SLC41A1: variants seen among roughly 807,000 people sequenced by gnomAD.
The protein encoded by SLC41A1 is solute carrier family 41 (magnesium transporter), member 1.
In SLC41A1, 20 loss-of-function variants were observed where a neutral mutation model predicts 47.3. The observed-to-expected ratio is 0.42, with a 90% confidence interval of 0.30 to 0.61. SLC41A1 has a LOEUF of 0.61. Ranked by LOEUF, SLC41A1 falls within the 20% of genes least tolerant of loss-of-function variation. The pLI, the probability that SLC41A1 is intolerant of heterozygous loss-of-function variation, is 0.17. For missense variants in SLC41A1, 504 were observed against 674.1 expected, an observed-to-expected ratio of 0.75 and a Z score of 2.79; for synonymous variants, 282 against 272.7, an observed-to-expected ratio of 1.03 and a Z score of -0.34.
chr1:205,810,151 G>T lies in SLC41A1; in HGVS notation c.291C>A (p.Ser97=). 6.2e-7 allele frequency: 1 copy of T among 1,614,244 alleles called. No homozygotes were observed. The highest frequency in any genetic ancestry group is 1.1e-5 in the South Asian group (1 of 91,090). The change falls in exon 2 of 11, where the codon TCC becomes TCA. Residue 97 remains serine (S), a synonymous_variant. Transcript: ENST00000367137. The surrounding 1 kb of genome is among the most constrained non-coding windows in gnomAD (Gnocchi z 5.5). ...ATGGAAACAGTACTTGCAGCCCGAT[G>T]GAAAAGGAGGTCTCCTTGAGCGGGG... ...PPSPLKETSF[S]IGLQVLFPFL... is the part of the protein sequence containing the mutation.
chr1:205,796,492 C>T, intron 8 of SLC41A1: 1 of 239,532 alleles, frequency 4.2e-6, no homozygotes, highest in Non-Finnish European at 8.3e-6. Flanking sequence ...TTGCACATGC[C>T]CAGTTTTCCT....
At chr1:205,797,756 T>C (rs1172778193) in intron 7 of SLC41A1, 148 bp downstream of exon 7, 1 of 1,119,682 alleles carries the variant, frequency 8.9e-7, no homozygotes, top group Non-Finnish European at 1.3e-6. Flanking sequence ...AGATGGTTTC[T>C]GTCATTTTCA....
chr1:205,803,216 G>A (rs1253680886), intron 2 of SLC41A1, among the ~76,000 whole-genome samples: 1 of 152,126 alleles, frequency 6.6e-6, no homozygotes, highest in Non-Finnish European at 1.5e-5. Context: ...TGCACTCTTG[G>A]TGGGACTATA....
rs1316473387 is a variant in SLC41A1, at chr1:205,798,835, AG to A, written c.698-21del. ...TCATACCTGGTGAGCAAGTGGGAGG[AG>A]GGGCAGGCAGGGTGAGAAGAGATAA... On this transcript the variant is annotated intron_variant, in intron 5 of 10. Transcript: ENST00000367137. 3 of 1,614,140 alleles carry A rather than the reference AG, an allele frequency of 1.9e-6. No homozygotes were observed. The highest frequency in any genetic ancestry group is 2.5e-6 in the Non-Finnish European group (3 of 1,180,030).
In SLC41A1 at chr1:205,812,978, C is replaced by CG; in HGVS notation, c.-818dup. On this transcript the variant is annotated 5_prime_UTR_variant, in exon 1 of 11. Transcript: ENST00000367137. Reference sequence around the variant, plus strand: ...AAGGCGAGCGTCCAGCCGCGACACCCGGCTCGCTACATTTCGCTTCTGCGT... The same window carrying CG: ...AAGGCGAGCGTCCAGCCGCGACACCCGGGCTCGCTACATTTCGCTTCTGCGT... The CG allele has an allele frequency of 1.0e-6, 1 of 986,026 alleles. No homozygotes were observed. Among genetic ancestry groups the CG allele is most frequent in the Non-Finnish European group, 1.2e-6 (1 of 830,402 alleles). 61.1% of individuals were successfully genotyped at this position (986,026 alleles called of 1,614,324 possible). A position where few individuals can be genotyped will look rare whatever the true frequency, so the allele number is the denominator to read the frequency against.
Position 205,790,653 on chromosome 1 carries a change from A to T in SLC41A1, c.*880T>A, listed in dbSNP as rs1655604016. On this transcript the variant is annotated 3_prime_UTR_variant, in exon 11 of 11. Coordinates refer to ENST00000367137, the MANE Select transcript of SLC41A1 (RefSeq NM_173854.6). ...TGACCTGACCCTAATCTCAAAACCC[A>T]ACCTGGCAAGCTCTGGGGAAGGTAG... 1 of 152,204 alleles carries T rather than the reference A, an allele frequency of 6.6e-6. No homozygotes were observed. Among genetic ancestry groups the T allele is most frequent in the Admixed American group, 6.5e-5 (1 of 15,274 alleles). 9.4% of individuals were successfully genotyped at this position (152,204 alleles called of 1,614,324 possible).
Position 205,798,847 on chromosome 1 carries a change from G to T in SLC41A1, c.698-32C>A, listed in dbSNP as rs748412352. 9 of 1,614,130 alleles carry T rather than the reference G, an allele frequency of 5.6e-6. No individual in the cohort carries two copies. In the Admixed American group the frequency reaches 1.3e-4, roughly 24 times the overall value. Reference sequence around the variant, plus strand: ...AGCAAGTGGGAGGAGGGGCAGGCAGGGTGAGAAGAGATAAAGGAGTCTCAA... The same window carrying T: ...AGCAAGTGGGAGGAGGGGCAGGCAGTGTGAGAAGAGATAAAGGAGTCTCAA... On this transcript the variant is annotated intron_variant, in intron 5 of 10. Coordinates refer to ENST00000367137, the MANE Select transcript of SLC41A1 (RefSeq NM_173854.6).
At chr1:205,794,639 T>A (rs1292046232) in intron 10 of SLC41A1, among the ~76,000 whole-genome samples, 1 of 152,128 alleles carries the variant, frequency 6.6e-6, no homozygotes, top group Non-Finnish European at 1.5e-5. Context: ...AATTTACAAC[T>A]GTATCGCTGA....
chr1:205,800,870 G>C, intron 3 of SLC41A1, 83 bp downstream of exon 3: 1 of 1,308,858 alleles, frequency 7.6e-7, no homozygotes, highest in South Asian at 1.2e-5. Flanking sequence ...AGTGGAGAAG[G>C]GCTCGTAGCC....
chr1:205,802,294 C>T (rs1344701566), intron 2 of SLC41A1, among the ~76,000 whole-genome samples: 2 of 152,208 alleles, frequency 1.3e-5, no homozygotes, highest in Non-Finnish European at 2.9e-5. Flanking sequence ...CCCCAGTACA[C>T]CTCCTCACGT....
At chr1:205,793,753 T>C (rs1380490144) in intron 10 of SLC41A1, among the ~76,000 whole-genome samples, 1 of 152,198 alleles carries the variant, frequency 6.6e-6, no homozygotes, top group Non-Finnish European at 1.5e-5. Flanking sequence ...GCAGACAGTG[T>C]GTACAGTATA....
Position 205,810,832 on chromosome 1 carries a change from C to G in SLC41A1, c.-391G>C, listed in dbSNP as rs1302939833. The G allele has an allele frequency of 3.9e-6, 1 of 254,414 alleles. No homozygotes were observed. Among genetic ancestry groups the G allele is most frequent in the Non-Finnish European group, 7.7e-6 (1 of 129,312 alleles). The allele number at this position is 254,414 out of a possible 1,614,324, so 15.8% of individuals were successfully genotyped here. On this transcript the variant is annotated 5_prime_UTR_variant, in exon 2 of 11. Coordinates refer to ENST00000367137, the MANE Select transcript of SLC41A1 (RefSeq NM_173854.6). This position sits in a 1 kb window ranked among gnomAD's most constrained non-coding sequence, Gnocchi z 5.5. ...GCTCAACCAAATTCTGGGGTGCCCT[C>G]TGAAGTGGCCCCTCTTCCGTAAAAA...
chr1:205,810,455 G>A lies in SLC41A1; in HGVS notation c.-14C>T, dbSNP rs947392421. ...CTTAGAGGACATGACAGGCACGGAG[G>A]AGGGGAAGGGAGAACTTTCCTCTCT... On this transcript the variant is annotated 5_prime_UTR_variant, in exon 2 of 11. Transcript: ENST00000367137. The surrounding 1 kb of genome is among the most constrained non-coding windows in gnomAD (Gnocchi z 5.5). 3.1e-6 allele frequency: 5 copies of A among 1,614,192 alleles called. No homozygotes were observed. Among genetic ancestry groups the A allele is most frequent in the Non-Finnish European group, 2.5e-6 (3 of 1,180,044 alleles).
chr1:205,798,857 G>A (rs772666005), intron 5 of SLC41A1, 42 bp from the exon 6 acceptor site: 7 of 1,614,204 alleles, frequency 4.3e-6, no homozygotes, highest in Non-Finnish European at 5.9e-6. Context: ...GGTGAGAAGA[G>A]ATAAAGGAGT....
rs756332055 is a variant in SLC41A1 at position 205,799,002 on chromosome 1, A to T, written c.652T>A (p.Cys218Ser). Residue 218 changes from cysteine to serine, a missense_variant, in exon 5 of 11, where the codon TGT (cysteine) becomes AGT (serine). Coordinates refer to ENST00000367137, the MANE Select transcript of SLC41A1 (RefSeq NM_173854.6). ...AAGGCTGTGGCCACGCTGCTAGCAC[A>T]GAGCAGGAAGGCGTGCGGAATACTG... is the stretch of plus-strand genomic sequence containing the variant. ...HFSIPHAFLL[C>S]ASSVATAFIA... The T allele has an allele frequency of 6.2e-7, 1 of 1,614,080 alleles. No individual in the cohort carries two copies. The highest frequency in any genetic ancestry group is 8.5e-7 in the Non-Finnish European group (1 of 1,180,030).
In SLC41A1 at chr1:205,810,403, C is replaced by G; in HGVS notation, c.39G>C (p.Leu13=). ...SKPEPKDVHQ[L]NGTGPSASPC... The stretch of plus-strand genomic sequence containing the variant: ...GAGAGGCAGAAGGGCCAGTCCCGTT[C>G]AGTTGGTGGACGTCCTTCGGCTCTG... Residue 13 remains leucine (L), a synonymous_variant, in exon 2 of 11, where the codon CTG becomes CTC. Transcript: ENST00000367137. This position sits in a 1 kb window ranked among gnomAD's most constrained non-coding sequence, Gnocchi z 5.5. The G allele has an allele frequency of 1.9e-6, 3 of 1,614,226 alleles. No homozygotes were observed. Among genetic ancestry groups the G allele is most frequent in the Non-Finnish European group, 1.7e-6 (2 of 1,180,044 alleles).
chr1:205,800,881 C>T (rs1025038521), intron 3 of SLC41A1, 72 bp downstream of exon 3: 1 of 1,397,288 alleles, frequency 7.2e-7, no homozygotes. Context: ...GCTCGTAGCC[C>T]TCTCCCAGTC....
chr1:205,798,327 G>T (rs368679745), intron 6 of SLC41A1, among the ~76,000 whole-genome samples: 70 of 152,228 alleles, frequency 4.6e-4, no homozygotes, highest in African/African-American at 1.5e-3. Context: ...TCTCTTGATT[G>T]GAGCCCAGAA....
chr1:205,795,569 T>C lies in SLC41A1; in HGVS notation c.1073-91A>G, dbSNP rs927168040. 6.8e-6 allele frequency: 10 copies of C among 1,469,398 alleles called. No homozygotes were observed. In the South Asian group the frequency reaches 8.3e-5, roughly 12 times the overall value. 91.0% of individuals were successfully genotyped at this position (1,469,398 alleles called of 1,614,324 possible). A position where few individuals can be genotyped will look rare whatever the true frequency, so the allele number is the denominator to read the frequency against. On this transcript the variant is annotated intron_variant, in intron 8 of 10. Coordinates refer to ENST00000367137, the MANE Select transcript of SLC41A1 (RefSeq NM_173854.6). ...CTTCTCACTCTTTGTCTTCTATCTA[T>C]AGAGGCACTGTCCTCTGTCTTAATT...
Sources: gnomAD v4.1 joint callset for allele counts (sites outside exome capture counted in the v4.1 genomes callset) on GRCh38, gnomAD v4.1.1 for gene constraint, Gnocchi (gnomAD v3.1) non-coding constraint, MANE v1.5 for transcripts, NCBI Gene and HGNC (gene_info 2026-07-23, HGNC 2026-07-21) for gene names.